The following SMYD3 variants were observed in gnomAD, a reference collection of about 807,000 sequenced individuals.
SMYD3 encodes the protein SET and MYND domain containing 3, also known as histone-lysine N-methyltransferase SMYD3.
Under a neutral mutation model 57.7 loss-of-function variants are expected in SMYD3, and 36 were observed. The ratio of observed to expected loss-of-function variants is 0.62; its 90% CI spans 0.48 to 0.82. The LOEUF (loss-of-function observed/expected upper bound fraction) is 0.82. Ranked by LOEUF, SMYD3 falls within the 40% of genes least tolerant of loss-of-function variation. The pLI is 0.00. For missense variants in SMYD3, 515 were observed against 538.8 expected (o/e 0.96, Z 0.44); for synonymous variants, 211 against 195.0 (o/e 1.08, Z -0.68).
intron 10 of SMYD3, among the ~76,000 whole-genome samples, chr1:245,854,816 G>T (rs777707636): frequency 6.6e-6 from 1 of 152,304 alleles, no homozygotes; most frequent in Admixed American, 6.5e-5. Context: ...AGAGAGTTGA[G>T]AGTAACTGGG....
intron 5 of SMYD3, among the ~76,000 whole-genome samples, chr1:246,260,444 G>T (rs989360632): frequency 3.3e-5 from 5 of 150,848 alleles, no homozygotes; most frequent in Non-Finnish European, 7.4e-5. Flanking sequence ...TGTTGTTGTT[G>T]TTTTTTGTTT....
At chr1:246,318,519 G>A (rs1278222835) in intron 5 of SMYD3, among the ~76,000 whole-genome samples, 1 of 152,130 alleles carries the variant, frequency 6.6e-6, no homozygotes, top group African/African-American at 2.4e-5. Flanking sequence ...AGGTTGCTAG[G>A]AATTCAAAAT....
intron 10 of SMYD3, among the ~76,000 whole-genome samples, chr1:245,806,774 G>A (rs2148267312): frequency 6.6e-6 from 1 of 151,498 alleles, no homozygotes; most frequent in East Asian, 1.9e-4. Flanking sequence ...GCCGGGCGCG[G>A]TGGCGGGCGC....
chr1:245,810,575 C>T (rs1435681520), intron 10 of SMYD3, among the ~76,000 whole-genome samples: 3 of 152,178 alleles, frequency 2.0e-5, no homozygotes, highest in Non-Finnish European at 4.4e-5. Flanking sequence ...CTGGTGGGGG[C>T]AGGGTTTGGG....
intron 5 of SMYD3, among the ~76,000 whole-genome samples, chr1:246,108,440 T>C (rs1245141644): frequency 6.6e-6 from 1 of 152,204 alleles, no homozygotes; most frequent in Non-Finnish European, 1.5e-5. Flanking sequence ...GTTATCAACA[T>C]CCATCCAGTC....
intron 10 of SMYD3, among the ~76,000 whole-genome samples, chr1:245,778,641 G>A (rs2046703551): frequency 6.6e-6 from 1 of 152,044 alleles, no homozygotes; most frequent in Non-Finnish European, 1.5e-5. Flanking sequence ...ACTTCAACCT[G>A]AACTTCATAA....
intron 5 of SMYD3, among the ~76,000 whole-genome samples, chr1:246,268,036 A>G (rs1314346961): frequency 2.0e-5 from 3 of 152,164 alleles, no homozygotes; most frequent in African/African-American, 7.2e-5. Flanking sequence ...TCACTTATCA[A>G]TTGGGAATTG....
At chr1:245,832,765 A>T (rs554666160) in intron 10 of SMYD3, among the ~76,000 whole-genome samples, 9 of 152,316 alleles carry the variant, frequency 5.9e-5, no homozygotes, top group African/African-American at 2.2e-4. Context: ...TAGAATAAAC[A>T]ACATAATGTT....
intron 5 of SMYD3, among the ~76,000 whole-genome samples, chr1:245,948,181 TGAG>T (rs532529096): frequency 5.3e-5 from 8 of 152,198 alleles, no homozygotes; most frequent in Non-Finnish European, 7.3e-5. Context: ...TCAAGGTGAC[TGAG>T]AAGATGCATC....
chr1:246,030,847 T>C (rs1275705303), intron 5 of SMYD3, among the ~76,000 whole-genome samples: 1 of 152,200 alleles, frequency 6.6e-6, no homozygotes, highest in Non-Finnish European at 1.5e-5. Flanking sequence ...TCAAACTTTT[T>C]TTTGCAGTGG....
rs112497697 is a variant in SMYD3, at chr1:245,763,717, T to C, written c.1185+324A>G. ...GGAGGCACAAACAAGGTCAACTTGCTAAACGTGGAGAGGGCACAGGAGCAG... is the reference window on the plus strand; with the variant it reads ...GGAGGCACAAACAAGGTCAACTTGCCAAACGTGGAGAGGGCACAGGAGCAG... On this transcript the variant is annotated intron_variant, in intron 11 of 11. Coordinates refer to ENST00000490107, the MANE Select transcript of SMYD3 (RefSeq NM_001167740.2). 9.3e-4 allele frequency among the ~76,000 whole-genome samples: 141 copies of C among 152,280 alleles called. 1 individual carries two copies. Among genetic ancestry groups the C allele is most frequent in the African/African-American group, 3.1e-3 (129 of 41,554 alleles).
rs1318063235 is a variant in SMYD3 at position 246,088,503 on chromosome 1, G to T, written c.532-158566C>A. On this transcript the variant is annotated intron_variant, in intron 5 of 11. Coordinates refer to ENST00000490107, the MANE Select transcript of SMYD3 (RefSeq NM_001167740.2). Reference sequence around the variant, plus strand: ...CAGGCGCCTGTAGTCCCAGCTACTCGGGAGGCTGAGGCAGGAGAATGGCGT... The same window carrying T: ...CAGGCGCCTGTAGTCCCAGCTACTCTGGAGGCTGAGGCAGGAGAATGGCGT... Among the ~76,000 whole-genome samples the T allele has an allele frequency of 1.5e-5, 2 of 131,116 alleles. 1 individual carries two copies. Among genetic ancestry groups the T allele is most frequent in the East Asian group, 4.8e-4 (2 of 4,206 alleles). The allele number at this position is 131,116 out of a possible 152,430, so 86.0% of individuals were successfully genotyped here.
intron 5 of SMYD3, among the ~76,000 whole-genome samples, chr1:246,295,258 G>A (rs1222834142): frequency 6.6e-6 from 1 of 152,076 alleles, no homozygotes; most frequent in Admixed American, 6.6e-5. Flanking sequence ...TCTTTACTTA[G>A]TATCTCTTAC....
intron 5 of SMYD3, among the ~76,000 whole-genome samples, chr1:246,264,383 C>A (rs2064065963): frequency 6.6e-6 from 1 of 152,170 alleles, no homozygotes; most frequent in Non-Finnish European, 1.5e-5. Context: ...GGTGCAATGG[C>A]TCATACCTAT....
intron 7 of SMYD3, among the ~76,000 whole-genome samples, chr1:245,920,100 T>G (rs2055767156): frequency 6.6e-6 from 1 of 152,018 alleles, no homozygotes; most frequent in East Asian, 1.9e-4. Flanking sequence ...GATCACGAGG[T>G]CAGGAGATTG....
chr1:246,290,125 A>G (rs1434471322), intron 5 of SMYD3, among the ~76,000 whole-genome samples: 1 of 152,218 alleles, frequency 6.6e-6, no homozygotes, highest in Non-Finnish European at 1.5e-5. Flanking sequence ...AAATAACTAC[A>G]TTAGCATATG....
intron 9 of SMYD3, among the ~76,000 whole-genome samples, chr1:245,859,225 G>C (rs2051409263): frequency 6.6e-6 from 1 of 152,018 alleles, no homozygotes; most frequent in Non-Finnish European, 1.5e-5. Flanking sequence ...ATTTCCACTG[G>C]GTCTCATTTT....
In SMYD3 at chr1:245,765,161, G is replaced by A. The variant is rs145875470; in HGVS notation, c.1077-1012C>T. On this transcript the variant is annotated intron_variant, in intron 10 of 11. Coordinates refer to ENST00000490107, the MANE Select transcript of SMYD3 (RefSeq NM_001167740.2). The stretch of plus-strand genomic sequence containing the variant: ...CAGCACTTTGGAGGCCGAGGCAGGC[G>A]GATTGCTTGAGCTTAGGAGTTTGAG... 2.1e-3 allele frequency among the ~76,000 whole-genome samples: 320 copies of A among 151,142 alleles called. 1 individual carries two copies. The highest frequency in any genetic ancestry group is 7.0e-3 in the African/African-American group (287 of 41,140).
chr1:246,221,994 C>T (rs536367863), intron 5 of SMYD3, among the ~76,000 whole-genome samples: 1 of 152,272 alleles, frequency 6.6e-6, no homozygotes, highest in African/African-American at 2.4e-5. Context: ...AGGGTTGAAT[C>T]TGCTATTTTG....
Sources: gnomAD v4.1 joint callset for allele counts (sites outside exome capture counted in the v4.1 genomes callset) on GRCh38, gnomAD v4.1.1 for gene constraint, MANE v1.5 for transcripts, NCBI Gene and HGNC (gene_info 2026-07-23, HGNC 2026-07-21) for gene names.